The following CCDC60 variants were observed in gnomAD, a reference collection of about 807,000 sequenced individuals.
The protein encoded by CCDC60 is coiled-coil domain containing 60, also known as coiled-coil domain-containing protein 60.
CCDC60 carries 54 observed loss-of-function variants against 63.5 expected under a neutral mutation model. That is an observed-to-expected ratio of 0.85 (90% CI 0.68 to 1.07). The LOEUF (loss-of-function observed/expected upper bound fraction) is 1.07. Ranked by LOEUF, CCDC60 falls within the 50% of genes least tolerant of loss-of-function variation. The probability of loss-of-function intolerance (pLI) is 0.00; values close to 1 mark genes in which losing one functional copy is unlikely to be tolerated. For missense variants in CCDC60, 651 were observed against 684.3 expected (o/e 0.95, Z 0.54); for synonymous variants, 206 against 238.8 (o/e 0.86, Z 1.27).
At chr12:119,506,867 A>G (rs1259406948) in intron 7 of CCDC60, among the ~76,000 whole-genome samples, 1 of 152,186 alleles carries the variant, frequency 6.6e-6, no homozygotes, top group African/African-American at 2.4e-5. Context: ...AGATAGGAAA[A>G]GCAAGAGAAG....
At chr12:119,418,186 CTA>C (rs903722973) in intron 1 of CCDC60, among the ~76,000 whole-genome samples, 2 of 151,688 alleles carry the variant, frequency 1.3e-5, no homozygotes, top group African/African-American at 4.8e-5. Context: ...TATGTATGTA[CTA>C]TATATATAAT....
chr12:119,394,416 T>A (rs191362541), intron 1 of CCDC60, among the ~76,000 whole-genome samples: 1 of 152,310 alleles, frequency 6.6e-6, no homozygotes, highest in Non-Finnish European at 1.5e-5. Flanking sequence ...CTTCAAGAGA[T>A]CTACATGCTT....
At chr12:119,496,397 C>T (rs708879) in intron 5 of CCDC60, among the ~76,000 whole-genome samples, 16,739 of 152,162 alleles carry the variant, frequency 0.11, 1,338 homozygotes, top group Non-Finnish European at 0.16. Flanking sequence ...CAGTGCTCAG[C>T]GCCCTATTCC....
At chr12:119,509,422 T>C (rs1446765619) in intron 7 of CCDC60, among the ~76,000 whole-genome samples, 1 of 152,136 alleles carries the variant, frequency 6.6e-6, no homozygotes, top group Non-Finnish European at 1.5e-5. Flanking sequence ...CTGGCTGACA[T>C]AGCCAGACCC....
At chr12:119,421,449 A>G (rs1428264944) in intron 1 of CCDC60, among the ~76,000 whole-genome samples, 7 of 152,364 alleles carry the variant, frequency 4.6e-5, no homozygotes, top group African/African-American at 1.4e-4. Context: ...ACAGTCGTCA[A>G]TGTCACTTGA....
intron 2 of CCDC60, among the ~76,000 whole-genome samples, chr12:119,470,108 GC>G (rs1191430331): frequency 1.2e-4 from 18 of 152,154 alleles, no homozygotes; most frequent in African/African-American, 4.1e-4. Context: ...CCCTAAAGAG[GC>G]CATCATCAGA....
chr12:119,406,311 G>A (rs12815565), intron 1 of CCDC60, among the ~76,000 whole-genome samples: 40 of 152,040 alleles, frequency 2.6e-4, no homozygotes, highest in South Asian at 6.2e-4. Flanking sequence ...CTCCCCTTGC[G>A]TCTTTATTAC....
chr12:119,464,790 G>T (rs1011486313), intron 2 of CCDC60, among the ~76,000 whole-genome samples: 1 of 152,120 alleles, frequency 6.6e-6, no homozygotes, highest in South Asian at 2.1e-4. Flanking sequence ...AGGTCACTCC[G>T]ATCCAATGTA....
chr12:119,402,971 A>G (rs1227275495), intron 1 of CCDC60, among the ~76,000 whole-genome samples: 1 of 152,262 alleles, frequency 6.6e-6, no homozygotes, highest in African/African-American at 2.4e-5. Context: ...ATTAACAAAA[A>G]GTCCACAAAT....
At chr12:119,408,194 G>A in intron 1 of CCDC60, among the ~76,000 whole-genome samples, 1 of 151,968 alleles carries the variant, frequency 6.6e-6, no homozygotes, top group South Asian at 2.1e-4. Context: ...GTTTCTTGTG[G>A]AGAGTTTATT....
Position 119,523,769 on chromosome 12 carries a change from G to T in CCDC60, c.1180G>T (p.Ala394Ser). 1 of 1,614,202 alleles carries T rather than the reference G, an allele frequency of 6.2e-7. No homozygotes were observed. The highest frequency in any genetic ancestry group is 8.5e-7 in the Non-Finnish European group (1 of 1,180,020). Residue 394 changes from alanine to serine, a missense_variant, in exon 11 of 14, where the codon GCC (alanine) becomes TCC (serine). Transcript: ENST00000327554. ...NTMRAKFYSV[A>S]QEAGFCLQDK... ...CATGAGGGCCAAGTTTTACAGCGTA[G>T]CCCAGGAGGCTGGCTTCTGCCTGCA...
chr12:119,339,168 G>A lies in CCDC60; in HGVS notation c.90+3902G>A, dbSNP rs1437295350. Among the ~76,000 whole-genome samples the A allele has an allele frequency of 4.6e-5, 7 of 152,216 alleles. No individual in the cohort carries two copies. The East Asian group carries it at 1.2e-3, about 25-fold the overall frequency. On this transcript the variant is annotated intron_variant, in intron 1 of 13. Coordinates refer to ENST00000327554, the MANE Select transcript of CCDC60 (RefSeq NM_178499.5). Reference sequence around the variant, plus strand: ...TAAGGAAGCAGACGAAGTCTAATGGGATCAGACATGGGGGAGGGGAGAAGC... The same window carrying A: ...TAAGGAAGCAGACGAAGTCTAATGGAATCAGACATGGGGGAGGGGAGAAGC...
At chr12:119,413,444 C>CG (rs936237026) in intron 1 of CCDC60, among the ~76,000 whole-genome samples, 3 of 152,150 alleles carry the variant, frequency 2.0e-5, no homozygotes, top group Non-Finnish European at 4.4e-5. Flanking sequence ...TAAGGCATCG[C>CG]GGGGGGAACA....
intron 1 of CCDC60, among the ~76,000 whole-genome samples, chr12:119,405,342 T>C (rs1956468099): frequency 6.6e-6 from 1 of 152,224 alleles, no homozygotes; most frequent in Non-Finnish European, 1.5e-5. Context: ...TACATTTCCT[T>C]GAATTTCCTG....
chr12:119,527,981 C>T (rs917775516), intron 11 of CCDC60, among the ~76,000 whole-genome samples: 6 of 151,812 alleles, frequency 4.0e-5, no homozygotes, highest in Admixed American at 6.6e-5. Flanking sequence ...ATCTCAGAGA[C>T]TTTGATCATG....
intron 1 of CCDC60, among the ~76,000 whole-genome samples, chr12:119,398,584 C>T (rs1956329697): frequency 6.6e-6 from 1 of 152,250 alleles, no homozygotes; most frequent in Non-Finnish European, 1.5e-5. Context: ...CCTTTGTCAC[C>T]TCTCAGCACC....
At chr12:119,341,521 C>G (rs1565962444) in intron 1 of CCDC60, among the ~76,000 whole-genome samples, 2 of 152,142 alleles carry the variant, frequency 1.3e-5, no homozygotes, top group African/African-American at 4.8e-5. Context: ...ACAATAAGAT[C>G]TATGGCATAG....
intron 1 of CCDC60, among the ~76,000 whole-genome samples, chr12:119,423,600 C>T (rs769573464): frequency 6.6e-6 from 1 of 152,238 alleles, no homozygotes; most frequent in Non-Finnish European, 1.5e-5. Flanking sequence ...ACTACATCTC[C>T]TCCATGAGTC....
At chr12:119,345,344 A>T (rs906257564) in intron 1 of CCDC60, among the ~76,000 whole-genome samples, 6 of 152,154 alleles carry the variant, frequency 3.9e-5, no homozygotes, top group African/African-American at 1.4e-4. Context: ...TTTACTAAAA[A>T]TACCAAAATT....
Sources: allele counts gnomAD v4.1 joint callset (sites outside exome capture counted in the v4.1 genomes callset), GRCh38; gene constraint gnomAD v4.1.1; transcripts MANE v1.5; gene names NCBI Gene and HGNC (gene_info 2026-07-23, HGNC 2026-07-21).